The following AGRN variants were observed in gnomAD, a reference collection of about 807,000 sequenced individuals.
AGRN encodes the protein agrin.
Under a neutral mutation model 211.0 loss-of-function variants are expected in AGRN, and 106 were observed. That is an observed-to-expected ratio of 0.50 (90% CI 0.43 to 0.59). The LOEUF is 0.59. Ranked by LOEUF, AGRN falls within the 20% of genes least tolerant of loss-of-function variation. The pLI is 0.00. For synonymous variants in AGRN, 1,525 were observed against 1,332.5 expected, an observed-to-expected ratio of 1.14 and a Z score of -3.15; for missense variants, 3,040 against 2,982.6, an observed-to-expected ratio of 1.02 and a Z score of -0.45.
intron 2 of AGRN, among the ~76,000 whole-genome samples, chr1:1,033,636 A>T (rs1383623559): frequency 1.3e-3 from 21 of 15,842 alleles, no homozygotes; most frequent in African/African-American, 5.1e-3. Context: ...CCCCCGGCCC[A>T]GCCCCAGCGC....
In AGRN at chr1:1,030,220, AGC is replaced by A. The variant is rs371780313; in HGVS notation, c.464-5053_464-5052del. Among the ~76,000 whole-genome samples, 164 of 16,956 alleles carry A rather than the reference AGC, an allele frequency of 9.7e-3. 1 individual carries two copies. The highest frequency in any genetic ancestry group is 0.013 in the Non-Finnish European group (95 of 7,114). 11.1% of individuals were successfully genotyped at this position (16,956 alleles called of 152,430 possible). ...GTGCAGTGCATGGTGCTGTGAGATC[AGC>A]GCGTGTGTGTGTGCAGTGCATGGTG... On this transcript the variant is annotated intron_variant, in intron 2 of 35. Transcript: ENST00000379370.
Position 1,048,871 on chromosome 1 carries a change from TG to T in AGRN, c.4112del (p.Gly1371AlafsTer56). 1 of 1,536,996 alleles carries T rather than the reference TG, an allele frequency of 6.5e-7. No homozygotes were observed. The highest frequency in any genetic ancestry group is 8.8e-7 in the Non-Finnish European group (1 of 1,141,980). On this transcript the variant is annotated frameshift_variant, in exon 24 of 36. Transcript: ENST00000379370. LOFTEE classifies it high-confidence loss of function. This position sits in a 1 kb window ranked among gnomAD's most constrained non-coding sequence, Gnocchi z 5.9. ...CCTCCCGGTCGCCCTTTGCAGTGCT[TG>T]GCGCCCCTGTGCCGGCCTTCGAGGG... ...RGGAVCEKVLGAPVPAFEGRS... is the reference protein window; with the variant it reads ...RGGAVCEKVLXAPVPAFEGRS...
At chr1:1,053,253 C>G in intron 33 of AGRN, 1 of 348,656 alleles carries the variant, frequency 2.9e-6, no homozygotes, top group Non-Finnish European at 5.3e-6. Context: ...CGTGTCTGCA[C>G]GTGGGTGTCT....
chr1:1,023,625 C>T (rs1168135749), intron 2 of AGRN, among the ~76,000 whole-genome samples: 2 of 152,138 alleles, frequency 1.3e-5, no homozygotes, highest in Non-Finnish European at 2.9e-5. Context: ...AGGTTCCTGT[C>T]CCTGCAAGAT....
Position 1,055,307 on chromosome 1 carries a change from G to A in AGRN, c.*326G>A, listed in dbSNP as rs4308921. ...CTGAATCACCCTCGCTCCGTCAGGC[G>A]GGACTCGTGTCCCAGAGAGGAAGGG... On this transcript the variant is annotated 3_prime_UTR_variant, in exon 36 of 36. Transcript: ENST00000379370. The A allele has an allele frequency of 0.022, 8,852 of 408,338 alleles. 610 individuals carry two copies. The highest frequency in any genetic ancestry group is 0.16 in the African/African-American group (7,686 of 48,930). 25.3% of individuals were successfully genotyped at this position (408,338 alleles called of 1,614,324 possible). A position where few individuals can be genotyped will look rare whatever the true frequency, so the allele number is the denominator to read the frequency against.
chr1:1,054,962 G>A lies in AGRN; in HGVS notation c.6119G>A (p.Arg2040Gln), dbSNP rs527639453. ...LEDAVTKPELRPCPTP is the reference protein window; with the variant it reads ...LEDAVTKPELQPCPTP ...GACGCCGTCACCAAGCCAGAGCTGC[G>A]GCCCTGCCCCACCCCATGAGCTGGC... The change falls in exon 36 of 36, where the codon CGG becomes CAG. Residue 2040 changes from arginine to glutamine, a missense_variant. By Grantham distance (43) the Arg-to-Gln change is conservative (BLOSUM62 1). Coordinates refer to ENST00000379370, the MANE Select transcript of AGRN (RefSeq NM_198576.4). 1.9e-4 allele frequency: 289 copies of A among 1,548,844 alleles called. 1 individual carries two copies. In the South Asian group the frequency reaches 2.9e-3, roughly 16 times the overall value.
Position 1,050,834 on chromosome 1 carries a change from C to T in AGRN, c.5250C>T (p.Ser1750=), listed in dbSNP as rs1645263304. The T allele has an allele frequency of 3.2e-6, 5 of 1,571,466 alleles. No individual in the cohort carries two copies. In the South Asian group the frequency reaches 4.6e-5, roughly 14 times the overall value. ...VGDGPRVLGE[S]PVPHTVLNLK... is the part of the protein sequence containing the mutation. The stretch of plus-strand genomic sequence containing the variant: ...ACGGCCCCCGTGTGTTGGGGGAGTC[C>T]CCGGTGAGTGCTCTGGGCCGCGAGG... The change falls in exon 30 of 36, where the codon TCC becomes TCT. Residue 1750 remains serine (S), a synonymous_variant. Transcript: ENST00000379370.
At chr1:1,045,100 C>A in intron 12 of AGRN, 61 bp from the exon 13 acceptor site, 1 of 1,557,174 alleles carries the variant, frequency 6.4e-7, no homozygotes, top group Non-Finnish European at 8.8e-7. Flanking sequence ...GGCAGACTGG[C>A]TGGGTCCAGG....
At position 1,048,762 on chromosome 1, in the gene AGRN, C is replaced by T. The variant is rs1178459422; in HGVS notation, c.4106-105C>T. 35 of 1,244,216 alleles carry T rather than the reference C, an allele frequency of 2.8e-5. No homozygotes were observed. The highest frequency in any genetic ancestry group is 2.3e-4 in the South Asian group (15 of 64,856). The allele number at this position is 1,244,216 out of a possible 1,614,324, so 77.1% of individuals were successfully genotyped here. ...AGCCGGGGCAAAAAGAGCAAAACTCCGTCTCAAAAAAAAAAAAAAAAAAAA... is the reference window on the plus strand; with the variant it reads ...AGCCGGGGCAAAAAGAGCAAAACTCTGTCTCAAAAAAAAAAAAAAAAAAAA... On this transcript the variant is annotated intron_variant, in intron 23 of 35. Coordinates refer to ENST00000379370, the MANE Select transcript of AGRN (RefSeq NM_198576.4). This position sits in a 1 kb window ranked among gnomAD's most constrained non-coding sequence, Gnocchi z 5.9.
intron 27 of AGRN, 47 bp downstream of exon 27, chr1:1,050,084 C>G: frequency 6.5e-7 from 1 of 1,533,928 alleles, no homozygotes. Flanking sequence ...GGGGGTTGAA[C>G]GTTTGGGCGG....
At position 1,047,805 on chromosome 1, in the gene AGRN, C is replaced by T. The variant is rs374345060; in HGVS notation, c.3661C>T (p.Arg1221Trp). The change falls in exon 22 of 36, where the codon CGG becomes TGG. Residue 1221 changes from arginine (R) to tryptophan (W), a missense_variant. By Grantham distance (101) the Arg-to-Trp change is moderately radical. Around this residue, in one of 3 missense-constraint regions of AGRN, gnomAD observed 1,537 missense variants for 1,505.0 expected, o/e 1.02. Transcript: ENST00000379370. ...TTAFRAPDVA[R>W]ALLRQIQVSR... ...AGCCTTCAGGGCACCCGACGTGGCCCGGGCCCTGCTCCGGCAGATCCAGGT... is the reference window on the plus strand; with the variant it reads ...AGCCTTCAGGGCACCCGACGTGGCCTGGGCCCTGCTCCGGCAGATCCAGGT... The T allele has an allele frequency of 1.4e-5, 22 of 1,603,880 alleles. No individual in the cohort carries two copies. Among genetic ancestry groups the T allele is most frequent in the Middle Eastern group, 1.7e-4 (1 of 6,052 alleles).
At chr1:1,034,118 TCG>T in intron 2 of AGRN, 1 of 985,106 alleles carries the variant, frequency 1.0e-6, no homozygotes, top group Non-Finnish European at 1.2e-6. Flanking sequence ...CCCGCTCCTA[TCG>T]CCGCTTCCGC....
In AGRN at chr1:1,050,467, C is replaced by T. The variant is rs775009371; in HGVS notation, c.5017C>T (p.Pro1673Ser). 6.2e-7 allele frequency: 1 copy of T among 1,612,916 alleles called. No individual in the cohort carries two copies. ...ALEVVFLARGPSGLLLYNGQK... is the reference protein window; with the variant it reads ...ALEVVFLARGSSGLLLYNGQK... ...GGAGGTCGTGTTCCTGGCACGAGGCCCCAGCGGCCTCCTGCTCTACAACGG... is the reference window on the plus strand; with the variant it reads ...GGAGGTCGTGTTCCTGGCACGAGGCTCCAGCGGCCTCCTGCTCTACAACGG... The change falls in exon 29 of 36, where the codon CCC becomes TCC. Residue 1673 changes from proline to serine, a missense_variant. Transcript: ENST00000379370.
intron 3 of AGRN, among the ~76,000 whole-genome samples, chr1:1,039,012 C>T (rs1644864910): frequency 2.0e-5 from 3 of 152,212 alleles, no homozygotes; most frequent in Non-Finnish European, 4.4e-5. Context: ...GTGTGCTGGG[C>T]ACCCTCTAAG....
chr1:1,048,545 C>T lies in AGRN; in HGVS notation c.4105+180C>T, dbSNP rs113521698. On this transcript the variant is annotated intron_variant, in intron 23 of 35. Coordinates refer to ENST00000379370, the MANE Select transcript of AGRN (RefSeq NM_198576.4). This position sits in a 1 kb window ranked among gnomAD's most constrained non-coding sequence, Gnocchi z 5.9. ...CAGCACTTTGGGAGGCCGAGGCAGGCGGATCACCTGAGGTCGGGAGTTCGA... is the reference window on the plus strand; with the variant it reads ...CAGCACTTTGGGAGGCCGAGGCAGGTGGATCACCTGAGGTCGGGAGTTCGA... The T allele has an allele frequency of 5.2e-5, 32 of 614,248 alleles. No individual in the cohort carries two copies. Among genetic ancestry groups the T allele is most frequent in the Non-Finnish European group, 8.2e-5 (30 of 366,062 alleles). 38.0% of individuals were successfully genotyped at this position (614,248 alleles called of 1,614,324 possible). A position where few individuals can be genotyped will look rare whatever the true frequency, so the allele number is the denominator to read the frequency against.
At chr1:1,026,549 C>T (rs1644525097) in intron 2 of AGRN, among the ~76,000 whole-genome samples, 1 of 152,172 alleles carries the variant, frequency 6.6e-6, no homozygotes, top group Non-Finnish European at 1.5e-5. Context: ...GAAGCAGACG[C>T]CCCACGCCCA....
At chr1:1,054,728 G>A (rs1310673502) in intron 35 of AGRN, 96 bp from the exon 36 acceptor site, 4 of 1,512,302 alleles carry the variant, frequency 2.6e-6, no homozygotes, top group Non-Finnish European at 3.6e-6. Context: ...GGAGGCGGGT[G>A]CCCAGGTGTG....
At chr1:1,037,687 A>G (rs973398750) in intron 3 of AGRN, among the ~76,000 whole-genome samples, 1 of 149,062 alleles carries the variant, frequency 6.7e-6, no homozygotes, top group Non-Finnish European at 1.5e-5. Flanking sequence ...CAGGGCTCTC[A>G]GGGTCCTAGG....
rs1434125704 is a variant in AGRN, at chr1:1,047,192, C to T, written c.3389-135C>T. On this transcript the variant is annotated intron_variant, in intron 19 of 35. Transcript: ENST00000379370. ...CCGACACCAGCCCCACCCTGGGGTC[C>T]CCACTAACCTCATGACCATCTGACT... 10 of 1,436,282 alleles carry T rather than the reference C, an allele frequency of 7.0e-6. No homozygotes were observed. The African/African-American group carries it at 1.0e-4, about 14-fold the overall frequency. The allele number at this position is 1,436,282 out of a possible 1,614,324, so 89.0% of individuals were successfully genotyped here.
Sources: allele counts gnomAD v4.1 joint callset (sites outside exome capture counted in the v4.1 genomes callset), GRCh38; gene constraint gnomAD v4.1.1; regional missense constraint gnomAD v4.1.1; non-coding constraint Gnocchi (gnomAD v3.1); transcripts MANE v1.5; gene names NCBI Gene and HGNC (gene_info 2026-07-23, HGNC 2026-07-21).